The following PARVA variants were observed in gnomAD, a reference collection of about 807,000 sequenced individuals.
PARVA encodes parvin alpha.
A neutral mutation model predicts 52.6 loss-of-function variants in PARVA; 25 were observed. The ratio of observed to expected loss-of-function variants is 0.48; its 90% CI spans 0.35 to 0.66. The LOEUF is 0.66. Among genes scored for constraint, PARVA ranks in the 30% least tolerant of loss-of-function variants. The pLI, the probability that PARVA is intolerant of heterozygous loss-of-function variation, is 0.01. For missense variants in PARVA, 373 were observed against 450.9 expected, an observed-to-expected ratio of 0.83 and a Z score of 1.56; for synonymous variants, 185 against 179.1, an observed-to-expected ratio of 1.03 and a Z score of -0.26.
At chr11:12,382,381 CTTTTTTTT>C (rs546439424) in intron 1 of PARVA, among the ~76,000 whole-genome samples, 1 of 128,332 alleles carries the variant, frequency 7.8e-6, no homozygotes, top group Non-Finnish European at 1.7e-5. Flanking sequence ...GTAACTTTTT[CTTTTTTTT>C]TTTTTTTAAT....
At chr11:12,470,047 G>A (rs1422981282) in intron 1 of PARVA, among the ~76,000 whole-genome samples, 1 of 152,210 alleles carries the variant, frequency 6.6e-6, no homozygotes, top group Non-Finnish European at 1.5e-5. Flanking sequence ...CTTATAAAAT[G>A]TAAGCTGGAA....
rs578239636 is a variant in PARVA at position 12,449,019 on chromosome 11, A to G, written c.137-24726A>G. The stretch of plus-strand genomic sequence containing the variant: ...GAGAGGAAGGAACTGTTTGTAATGG[A>G]AAATAATATTCACTATATTATAGTT... On this transcript the variant is annotated intron_variant, in intron 1 of 12. Coordinates refer to ENST00000334956, the MANE Select transcript of PARVA (RefSeq NM_018222.5). 2.2e-4 allele frequency among the ~76,000 whole-genome samples: 33 copies of G among 152,322 alleles called. No individual in the cohort carries two copies. In the East Asian group the frequency reaches 3.7e-3, roughly 17 times the overall value.
At chr11:12,471,356 C>A (rs530317043) in intron 1 of PARVA, among the ~76,000 whole-genome samples, 1 of 10,776 alleles carries the variant, frequency 9.3e-5, no homozygotes, top group South Asian at 0.17. Flanking sequence ...AGGACATTAT[C>A]CACTTACTCT....
At chr11:12,494,156 T>A (rs1204440204) in intron 4 of PARVA, among the ~76,000 whole-genome samples, 1 of 152,248 alleles carries the variant, frequency 6.6e-6, no homozygotes, top group Non-Finnish European at 1.5e-5. Flanking sequence ...GCACAGAGCT[T>A]CCATGCTTTC....
intron 12 of PARVA, among the ~76,000 whole-genome samples, chr11:12,519,226 T>C (rs574376580): frequency 2.0e-5 from 3 of 152,194 alleles, no homozygotes; most frequent in Non-Finnish European, 2.9e-5. Context: ...GAGAATGCCA[T>C]CTGTGGCCCT....
At chr11:12,406,240 G>GT (rs1400775970) in intron 1 of PARVA, among the ~76,000 whole-genome samples, 6 of 152,152 alleles carry the variant, frequency 3.9e-5, no homozygotes, top group African/African-American at 1.4e-4. Flanking sequence ...TAATTCTATT[G>GT]TTTTACGATA....
chr11:12,378,370 G>A (rs1374288431), intron 1 of PARVA, among the ~76,000 whole-genome samples: 2 of 152,132 alleles, frequency 1.3e-5, no homozygotes, highest in Non-Finnish European at 2.9e-5. Flanking sequence ...GGAGTAGGTG[G>A]ACATCGAGTG....
chr11:12,483,738 C>A (rs924278168), intron 4 of PARVA, among the ~76,000 whole-genome samples: 10 of 152,230 alleles, frequency 6.6e-5, no homozygotes, highest in South Asian at 2.1e-4. Context: ...GAGACAGCAA[C>A]CCCGCTGTGG....
intron 12 of PARVA, among the ~76,000 whole-genome samples, chr11:12,523,546 T>C (rs1941664597): frequency 6.6e-6 from 1 of 152,182 alleles, no homozygotes; most frequent in South Asian, 2.1e-4. Context: ...TCCTTTGGCC[T>C]CTGCATCCTT....
At chr11:12,379,000 C>T (rs1159203470) in intron 1 of PARVA, among the ~76,000 whole-genome samples, 6 of 152,036 alleles carry the variant, frequency 3.9e-5, no homozygotes, top group Non-Finnish European at 8.8e-5. Flanking sequence ...TGCTGGTTGC[C>T]CATTTTTATG....
chr11:12,418,311 C>T (rs1254530847), intron 1 of PARVA, among the ~76,000 whole-genome samples: 1 of 152,150 alleles, frequency 6.6e-6, no homozygotes, highest in East Asian at 1.9e-4. Context: ...GGTGATGGTG[C>T]CCAGCAGGCC....
intron 12 of PARVA, among the ~76,000 whole-genome samples, chr11:12,520,318 T>C (rs1179220073): frequency 2.0e-5 from 3 of 152,190 alleles, no homozygotes; most frequent in Admixed American, 2.0e-4. Context: ...AAGAAGTGAA[T>C]CCCAGCATTC....
intron 8 of PARVA, 196 bp from the exon 9 acceptor site, chr11:12,513,103 G>T (rs747989829): frequency 1.4e-6 from 1 of 695,790 alleles, no homozygotes; most frequent in Non-Finnish European, 2.6e-6. Flanking sequence ...ACAGACACAG[G>T]CTCCCAGGGT....
rs115429282 is a variant in PARVA, at chr11:12,401,591, A to G, written c.136+23808A>G. ...TCATGAATCTTACGAAGTTGAAGACATCGTACTGAAGTATAGAATTATCTG... is the reference window on the plus strand; with the variant it reads ...TCATGAATCTTACGAAGTTGAAGACGTCGTACTGAAGTATAGAATTATCTG... On this transcript the variant is annotated intron_variant, in intron 1 of 12. Transcript: ENST00000334956. Among the ~76,000 whole-genome samples the G allele has an allele frequency of 5.7e-3, 870 of 152,316 alleles. 8 individuals carry two copies. Among genetic ancestry groups the G allele is most frequent in the African/African-American group, 0.02 (833 of 41,570 alleles).
intron 7 of PARVA, 121 bp downstream of exon 7, chr11:12,508,763 G>T: frequency 1.2e-6 from 1 of 802,840 alleles, no homozygotes; most frequent in African/African-American, 1.7e-5. Context: ...TTAGACTTCA[G>T]CCAATGATTA....
chr11:12,497,509 A>G (rs1341950787), intron 5 of PARVA, among the ~76,000 whole-genome samples: 1 of 152,226 alleles, frequency 6.6e-6, no homozygotes, highest in African/African-American at 2.4e-5. Context: ...AGTAACTGCC[A>G]GTCACAATCC....
At chr11:12,488,736 G>A (rs960077052) in intron 4 of PARVA, among the ~76,000 whole-genome samples, 2 of 152,174 alleles carry the variant, frequency 1.3e-5, no homozygotes, top group Non-Finnish European at 2.9e-5. Context: ...TACTCACACA[G>A]ATTTAAGGCT....
chr11:12,432,648 T>C (rs1042001449), intron 1 of PARVA, among the ~76,000 whole-genome samples: 2 of 152,236 alleles, frequency 1.3e-5, no homozygotes, highest in Non-Finnish European at 2.9e-5. Context: ...TATCTGGGCC[T>C]GTGCAAGTTA....
intron 4 of PARVA, among the ~76,000 whole-genome samples, chr11:12,491,024 T>C (rs1273614148): frequency 6.7e-6 from 1 of 150,190 alleles, no homozygotes; most frequent in Non-Finnish European, 1.5e-5. Context: ...AAAACAAGGC[T>C]GGAAGTGGGA....
Sources: gnomAD v4.1 joint callset for allele counts (sites outside exome capture counted in the v4.1 genomes callset) on GRCh38, gnomAD v4.1.1 for gene constraint, MANE v1.5 for transcripts, NCBI Gene and HGNC (gene_info 2026-07-23, HGNC 2026-07-21) for gene names.